The following OR10G3 variants were observed in gnomAD, a reference collection of about 807,000 sequenced individuals.
OR10G3 encodes the protein olfactory receptor 10G3.
A neutral mutation model predicts 13.4 loss-of-function variants in OR10G3; 8 were observed. The observed-to-expected ratio is 0.60, with a 90% CI of 0.35 to 1.08. The LOEUF (loss-of-function observed/expected upper bound fraction) is 1.08, where lower values mean the gene tolerates loss of function less well. Among genes scored for constraint, OR10G3 ranks in the 50% least tolerant of loss-of-function variants. OR10G3 has a pLI of 0.02. For synonymous variants in OR10G3, 142 were observed against 156.1 expected, an observed-to-expected ratio of 0.91 and a Z score of 0.67; for missense variants, 393 against 386.6, an observed-to-expected ratio of 1.02 and a Z score of -0.14.
chr14:21,574,024 C>T (rs1893099940), intron 1 of OR10G3, among the ~76,000 whole-genome samples: 1 of 152,114 alleles, frequency 6.6e-6, no homozygotes, highest in South Asian at 2.1e-4. Context: ...ATTGATTTGG[C>T]TGGGCGCGGT....
In OR10G3 at chr14:21,569,821, TC is replaced by T. The variant is rs1313641099; in HGVS notation, c.923del (p.Arg308LysfsTer29). 1.2e-6 allele frequency: 2 copies of T among 1,614,118 alleles called. No individual in the cohort carries two copies. Among genetic ancestry groups the T allele is most frequent in the Non-Finnish European group, 1.7e-6 (2 of 1,179,970 alleles). On this transcript the variant is annotated frameshift_variant, in exon 2 of 2. Transcript: ENST00000641040. LOFTEE classifies it high-confidence loss of function. ...GACACTTTCAAACCTCACTCGGAGTTCTTGGGCTTCTGAGCATTCTTTTCAG... is the reference window on the plus strand; with the variant it reads ...GACACTTTCAAACCTCACTCGGAGTTTTGGGCTTCTGAGCATTCTTTTCAG... ...LALKRMLRSP[R>X]TPSEV is the part of the protein sequence containing the mutation.
Position 21,568,611 on chromosome 14 carries a change from T to C in OR10G3, c.*1192A>G, listed in dbSNP as rs774121344. On this transcript the variant is annotated 3_prime_UTR_variant, in exon 2 of 2. Coordinates refer to ENST00000641040, the MANE Select transcript of OR10G3 (RefSeq NM_001005465.2). Reference sequence around the variant, plus strand: ...TTCTTTAGTGGTGATTTCTGAGATTTTGGTGCACCCATAACCCAAGCAGTG... The same window carrying C: ...TTCTTTAGTGGTGATTTCTGAGATTCTGGTGCACCCATAACCCAAGCAGTG... 4 of 152,318 alleles carry C rather than the reference T, an allele frequency of 2.6e-5. No individual in the cohort carries two copies. Among genetic ancestry groups the C allele is most frequent in the Admixed American group, 6.5e-5 (1 of 15,306 alleles). The allele number at this position is 152,318 out of a possible 1,614,324, so 9.4% of individuals were successfully genotyped here. A position where few individuals can be genotyped will look rare whatever the true frequency, so the allele number is the denominator to read the frequency against.
intron 1 of OR10G3, among the ~76,000 whole-genome samples, chr14:21,575,714 T>C (rs1450866366): frequency 6.6e-6 from 1 of 152,212 alleles, no homozygotes; most frequent in Non-Finnish European, 1.5e-5. Flanking sequence ...GCTTTAAAAC[T>C]GCTGTACCCA....
In OR10G3 at chr14:21,576,755, A is replaced by T. The variant is rs369182266; in HGVS notation, c.-18+3031T>A. On this transcript the variant is annotated intron_variant, in intron 1 of 1. Transcript: ENST00000641040. Reference sequence around the variant, plus strand: ...TGTTATTTCTTTTGCAAAATTTTCCATTGATAGGGAATGACAGTCCACCCA... The same window carrying T: ...TGTTATTTCTTTTGCAAAATTTTCCTTTGATAGGGAATGACAGTCCACCCA... 1.4e-3 allele frequency among the ~76,000 whole-genome samples: 207 copies of T among 152,246 alleles called. 8 individuals are homozygous for T. The South Asian group carries it at 0.041, about 30-fold the overall frequency.
intron 1 of OR10G3, among the ~76,000 whole-genome samples, chr14:21,577,636 T>C (rs1347682616): frequency 2.0e-5 from 3 of 152,108 alleles, no homozygotes; most frequent in Non-Finnish European, 2.9e-5. Context: ...CAAACTAGAG[T>C]GAAGTTTAGT....
rs1458874038 is a variant in OR10G3 at position 21,570,028 on chromosome 14, A to G, written c.717T>C (p.Phe239=). The G allele has an allele frequency of 6.2e-7, 1 of 1,614,192 alleles. No homozygotes were observed. The highest frequency in any genetic ancestry group is 8.5e-7 in the Non-Finnish European group (1 of 1,180,024). Residue 239 remains phenylalanine (F), a synonymous_variant, in exon 2 of 2, where the codon TTT becomes TTC. Transcript: ENST00000641040. Reference sequence around the variant, plus strand: ...CGGTTACATGGGCTCCACAAGTTGAAAAAGCCCGGCGCCGCCCATCAGCTG... The same window carrying G: ...CGGTTACATGGGCTCCACAAGTTGAGAAAGCCCGGCGCCGCCCATCAGCTG... ...IHTADGRRRA[F]STCGAHVTVV... is the part of the protein sequence containing the mutation.
chr14:21,571,829 A>G lies in OR10G3; in HGVS notation c.-17-1068T>C, dbSNP rs150053758. Among the ~76,000 whole-genome samples, 18 of 152,106 alleles carry G rather than the reference A, an allele frequency of 1.2e-4. 1 individual carries two copies. The highest frequency in any genetic ancestry group is 6.5e-5 in the Admixed American group (1 of 15,278). ...GCTGGGATTACAGGCATATGCTACC[A>G]TGCCTGGCTAATTTTTGTATTTTTA... On this transcript the variant is annotated intron_variant, in intron 1 of 1. Transcript: ENST00000641040.
intron 1 of OR10G3, among the ~76,000 whole-genome samples, chr14:21,572,430 C>T (rs891787456): frequency 4.0e-5 from 6 of 149,596 alleles, no homozygotes; most frequent in African/African-American, 1.2e-4. Context: ...AACCCCATCT[C>T]TACTAAAAAT....
rs765499407 is a variant in OR10G3 at position 21,569,758 on chromosome 14, A to C, written c.*45T>G. The C allele has an allele frequency of 3.3e-6, 5 of 1,510,358 alleles. No individual in the cohort carries two copies. Among genetic ancestry groups the C allele is most frequent in the Non-Finnish European group, 4.5e-6 (5 of 1,105,454 alleles). The allele number at this position is 1,510,358 out of a possible 1,614,324, so 93.6% of individuals were successfully genotyped here. On this transcript the variant is annotated 3_prime_UTR_variant, in exon 2 of 2. Coordinates refer to ENST00000641040, the MANE Select transcript of OR10G3 (RefSeq NM_001005465.2). ...AAGTTACCGAAGCCTAAACATTATA[A>C]TAAATTCTAATTGTGGCAGCTTCCC... is the stretch of plus-strand genomic sequence containing the variant.
chr14:21,571,407 G>A (rs954707795), intron 1 of OR10G3, among the ~76,000 whole-genome samples: 1 of 150,376 alleles, frequency 6.6e-6, no homozygotes, highest in African/African-American at 2.4e-5. Flanking sequence ...GAAGCTGTAA[G>A]TACATAAATA....
rs1293200547 is a variant in OR10G3, at chr14:21,570,499, G to A, written c.246C>T (p.Leu82=). The A allele has an allele frequency of 7.4e-6, 12 of 1,614,186 alleles. No individual in the cohort carries two copies. Among genetic ancestry groups the A allele is most frequent in the Non-Finnish European group, 9.3e-6 (11 of 1,180,014 alleles). The part of the protein sequence containing the change: ...MSISSIIVPR[L]MMNFTLGVKP... ...TGACACCTAAAGTGAAGTTCATCAT[G>A]AGGCGAGGGACAATGATGGAGGAGA... Residue 82 remains leucine (L), a synonymous_variant, in exon 2 of 2, where the codon CTC becomes CTT. Transcript: ENST00000641040.
intron 1 of OR10G3, among the ~76,000 whole-genome samples, chr14:21,578,942 G>A (rs953848714): frequency 6.6e-6 from 1 of 152,138 alleles, no homozygotes; most frequent in Non-Finnish European, 1.5e-5. Flanking sequence ...AGTTAGAATT[G>A]TCTGTTTAAA....
chr14:21,569,719 A>G lies in OR10G3; in HGVS notation c.*84T>C. The G allele has an allele frequency of 8.9e-7, 1 of 1,129,028 alleles. No individual in the cohort carries two copies. Among genetic ancestry groups the G allele is most frequent in the Non-Finnish European group, 1.3e-6 (1 of 795,006 alleles). The allele number at this position is 1,129,028 out of a possible 1,614,324, so 69.9% of individuals were successfully genotyped here. A position where few individuals can be genotyped will look rare whatever the true frequency, so the allele number is the denominator to read the frequency against. The stretch of plus-strand genomic sequence containing the variant: ...ATGGCTATATAAAAGAGAAAAAACA[A>G]GAAGAAAAGAAAAAAGTTACCGAAG... On this transcript the variant is annotated 3_prime_UTR_variant, in exon 2 of 2. Transcript: ENST00000641040.
At chr14:21,576,295 T>C (rs1042415183) in intron 1 of OR10G3, among the ~76,000 whole-genome samples, 1 of 152,188 alleles carries the variant, frequency 6.6e-6, no homozygotes, top group African/African-American at 2.4e-5. Context: ...ATGTCTGAAA[T>C]GATGTGTCTA....
At chr14:21,571,816 G>A (rs1051637553) in intron 1 of OR10G3, among the ~76,000 whole-genome samples, 2 of 151,976 alleles carry the variant, frequency 1.3e-5, no homozygotes, top group African/African-American at 4.8e-5. Context: ...TGGGATTACA[G>A]GCATATGCTA....
chr14:21,575,983 T>A (rs751494694), intron 1 of OR10G3, among the ~76,000 whole-genome samples: 14 of 152,186 alleles, frequency 9.2e-5, no homozygotes, highest in African/African-American at 2.7e-4. Flanking sequence ...CTTCAGAAAG[T>A]ACAGAGGCTC....
intron 1 of OR10G3, among the ~76,000 whole-genome samples, chr14:21,571,956 G>A (rs374088742): frequency 6.6e-6 from 1 of 151,938 alleles, no homozygotes; most frequent in Non-Finnish European, 1.5e-5. Context: ...TTACAGGCAT[G>A]AGTCACCACA....
intron 1 of OR10G3, among the ~76,000 whole-genome samples, chr14:21,577,719 C>T (rs1016278929): frequency 6.6e-6 from 1 of 152,130 alleles, no homozygotes; most frequent in African/African-American, 2.4e-5. Flanking sequence ...TTAAAAAAGC[C>T]CGAGGGAGGC....
At chr14:21,578,395 G>A (rs1223754077) in intron 1 of OR10G3, among the ~76,000 whole-genome samples, 1 of 151,784 alleles carries the variant, frequency 6.6e-6, no homozygotes, top group Non-Finnish European at 1.5e-5. Context: ...TGGGCAACAA[G>A]AATGAAACTC....
Sources: gnomAD v4.1 joint callset for allele counts (sites outside exome capture counted in the v4.1 genomes callset) on GRCh38, gnomAD v4.1.1 for gene constraint, MANE v1.5 for transcripts, NCBI Gene and HGNC (gene_info 2026-07-23, HGNC 2026-07-21) for gene names.